Variants in FGF18 observed in about 807,000 individuals in gnomAD.
FGF18 encodes the protein fibroblast growth factor 18.
In FGF18, 5 loss-of-function variants were observed where a neutral mutation model predicts 23.0. That is an observed-to-expected ratio of 0.22 (90% confidence interval 0.11 to 0.46). The LOEUF (loss-of-function observed/expected upper bound fraction) is 0.46. Ranked by LOEUF, FGF18 falls within the 20% of genes least tolerant of loss-of-function variation. The pLI, the probability that FGF18 is intolerant of heterozygous loss-of-function variation, is 0.99. For missense variants in FGF18, 180 were observed against 291.6 expected (o/e 0.62, Z 2.79); for synonymous variants, 117 against 118.9 (o/e 0.98, Z 0.10).
chr5:171,447,151 A>G (rs964777342), intron 3 of FGF18, among the ~76,000 whole-genome samples: 1 of 152,132 alleles, frequency 6.6e-6, no homozygotes, highest in Non-Finnish European at 1.5e-5. Context: ...TTATACCCCC[A>G]TTTTACAGGA....
At chr5:171,449,313 T>A in intron 4 of FGF18, 60 bp downstream of exon 4, 1 of 1,145,352 alleles carries the variant, frequency 8.7e-7, no homozygotes, top group Non-Finnish European at 1.3e-6. Flanking sequence ...CTCTGGGAGC[T>A]GGAACAATGT....
chr5:171,432,641 G>C (rs1411840312), intron 2 of FGF18, among the ~76,000 whole-genome samples: 3 of 152,148 alleles, frequency 2.0e-5, no homozygotes, highest in African/African-American at 7.2e-5. Context: ...CTGGCCTCAA[G>C]CTGGTCTTGA....
At position 171,436,284 on chromosome 5, in the gene FGF18, A is replaced by G. The variant is rs1772245062; in HGVS notation, c.250+11A>G. On this transcript the variant is annotated intron_variant, in intron 3 of 4. Transcript: ENST00000274625. This position sits in a 1 kb window ranked among gnomAD's most constrained non-coding sequence, Gnocchi z 4.4. ...ATGGGGACAAGTATGGTATGTGCCA[A>G]CCCTCTCCTCCTACTCCGTGTACCC... The G allele has an allele frequency of 1.9e-6, 3 of 1,541,382 alleles. No homozygotes were observed. Among genetic ancestry groups the G allele is most frequent in the Non-Finnish European group, 2.6e-6 (3 of 1,138,914 alleles).
chr5:171,429,162 A>C (rs562611131), intron 2 of FGF18, among the ~76,000 whole-genome samples: 1 of 152,302 alleles, frequency 6.6e-6, no homozygotes, highest in East Asian at 1.9e-4. Context: ...ACTCAGATTC[A>C]GGGTGGGCCC....
At chr5:171,445,953 A>G (rs930543578) in intron 3 of FGF18, among the ~76,000 whole-genome samples, 4 of 152,112 alleles carry the variant, frequency 2.6e-5, no homozygotes, top group African/African-American at 9.7e-5. Context: ...CGTGATGCTG[A>G]GGACCTGGCC....
intron 3 of FGF18, among the ~76,000 whole-genome samples, chr5:171,439,535 C>T (rs1024596507): frequency 2.0e-5 from 3 of 152,330 alleles, no homozygotes; most frequent in African/African-American, 7.2e-5. Flanking sequence ...GTTGCCATGT[C>T]ATAGAACAGC....
At chr5:171,429,167 G>A (rs1415697500) in intron 2 of FGF18, among the ~76,000 whole-genome samples, 1 of 152,202 alleles carries the variant, frequency 6.6e-6, no homozygotes, top group African/African-American at 2.4e-5. Flanking sequence ...GATTCAGGGT[G>A]GGCCCGGCCT....
At chr5:171,439,366 G>A (rs1772300759) in intron 3 of FGF18, among the ~76,000 whole-genome samples, 1 of 152,214 alleles carries the variant, frequency 6.6e-6, no homozygotes. Context: ...CTTGCCTTGG[G>A]TTCTGGAGGG....
Position 171,456,960 on chromosome 5 carries a change from G to A in FGF18, c.*155G>A, listed in dbSNP as rs1419905236. ...CAAAAACTGAACCAAAACTCTTGGG[G>A]GGAGGGGTGATAAGGATTTTATTGT... On this transcript the variant is annotated 3_prime_UTR_variant, in exon 5 of 5. Transcript: ENST00000274625. This position sits in a 1 kb window ranked among gnomAD's most constrained non-coding sequence, Gnocchi z 6.1. 1 of 955,062 alleles carries A rather than the reference G, an allele frequency of 1.0e-6. No homozygotes were observed. The highest frequency in any genetic ancestry group is 1.5e-6 in the Non-Finnish European group (1 of 663,044). The allele number at this position is 955,062 out of a possible 1,614,324, so 59.2% of individuals were successfully genotyped here.
intron 2 of FGF18, among the ~76,000 whole-genome samples, chr5:171,425,827 G>A (rs1165317667): frequency 1.3e-5 from 2 of 152,200 alleles, no homozygotes; most frequent in South Asian, 2.1e-4. Flanking sequence ...ACTGCGCCTG[G>A]CCAGCCATGT....
chr5:171,431,468 T>C (rs1340095921), intron 2 of FGF18, among the ~76,000 whole-genome samples: 2 of 152,114 alleles, frequency 1.3e-5, no homozygotes, highest in African/African-American at 4.8e-5. Context: ...CCGGGGGACC[T>C]TGGAAGGCTT....
intron 2 of FGF18, among the ~76,000 whole-genome samples, chr5:171,427,627 T>C (rs1233260248): frequency 6.6e-6 from 1 of 152,212 alleles, no homozygotes; most frequent in Non-Finnish European, 1.5e-5. Context: ...AGCTATGTAG[T>C]AGGCACTCAA....
intron 2 of FGF18, among the ~76,000 whole-genome samples, chr5:171,423,793 T>TTTTTTTTC (rs1561883540): frequency 6.9e-6 from 1 of 144,146 alleles, no homozygotes; most frequent in Non-Finnish European, 1.5e-5. Context: ...TTTTTTTTTT[T>TTTTTTTTC]TTTTGTGCTC....
In FGF18 at chr5:171,422,373, A is replaced by G. The variant is rs185529511; in HGVS notation, c.69+1930A>G. Among the ~76,000 whole-genome samples the G allele has an allele frequency of 7.2e-4, 109 of 152,184 alleles. 1 individual carries two copies. The highest frequency in any genetic ancestry group is 2.5e-3 in the African/African-American group (105 of 41,500). ...CCCTTGTCCCCACCGGCCTTTCTGC[A>G]TCCAAAGTGCCATAAGACTGATGTT... On this transcript the variant is annotated intron_variant, in intron 2 of 4. Transcript: ENST00000274625.
Position 171,446,066 on chromosome 5 carries a change from C to A in FGF18, c.251-3081C>A, listed in dbSNP as rs1188941217. On this transcript the variant is annotated intron_variant, in intron 3 of 4. Transcript: ENST00000274625. Reference sequence around the variant, plus strand: ...TGAGAACTGCTGCTGCTATTACTCCCCAAAGACTTTACATAATTCTGGCCC... The same window carrying A: ...TGAGAACTGCTGCTGCTATTACTCCACAAAGACTTTACATAATTCTGGCCC... Among the ~76,000 whole-genome samples the A allele has an allele frequency of 4.6e-5, 7 of 152,216 alleles. No individual in the cohort carries two copies. In the East Asian group the frequency reaches 1.4e-3, roughly 29 times the overall value.
Position 171,456,893 on chromosome 5 carries a change from A to G in FGF18, c.*88A>G. 1.4e-6 allele frequency: 2 copies of G among 1,455,632 alleles called. No homozygotes were observed. Among genetic ancestry groups the G allele is most frequent in the East Asian group, 2.3e-5 (1 of 43,632 alleles). The allele number at this position is 1,455,632 out of a possible 1,614,324, so 90.2% of individuals were successfully genotyped here. On this transcript the variant is annotated 3_prime_UTR_variant, in exon 5 of 5. Transcript: ENST00000274625. The surrounding 1 kb of genome is among the most constrained non-coding windows in gnomAD (Gnocchi z 6.1). ...AGAGGAATATTTTTACATGAAAAATAAGGAAGAAGCTCTATTTTTGTACAT... is the reference window on the plus strand; with the variant it reads ...AGAGGAATATTTTTACATGAAAAATGAGGAAGAAGCTCTATTTTTGTACAT...
intron 2 of FGF18, among the ~76,000 whole-genome samples, chr5:171,433,017 G>A (rs35261861): frequency 0.021 from 3,168 of 152,276 alleles, 60 homozygotes; most frequent in South Asian, 0.073. Flanking sequence ...GGGGTAGGAC[G>A]TGTCACACCC....
intron 2 of FGF18, among the ~76,000 whole-genome samples, chr5:171,427,724 G>A (rs1772117170): frequency 6.6e-6 from 1 of 152,264 alleles, no homozygotes; most frequent in African/African-American, 2.4e-5. Flanking sequence ...TGAGGGGAAT[G>A]AAGAAGGTAT....
rs1419885577 is a variant in FGF18 at position 171,434,785 on chromosome 5, A to G, written c.70-1308A>G. 1.3e-5 allele frequency among the ~76,000 whole-genome samples: 2 copies of G among 150,160 alleles called. No individual in the cohort carries two copies. The highest frequency in any genetic ancestry group is 1.5e-5 in the Non-Finnish European group (1 of 67,802). ...TGCTGCGGATATAGTGGCAAATGAG[A>G]GACACTGCTCCAGCTTTCTCTCCCT... On this transcript the variant is annotated intron_variant, in intron 2 of 4. Coordinates refer to ENST00000274625, the MANE Select transcript of FGF18 (RefSeq NM_003862.3). This position sits in a 1 kb window ranked among gnomAD's most constrained non-coding sequence, Gnocchi z 4.6.
Sources: gnomAD v4.1 joint callset for allele counts (sites outside exome capture counted in the v4.1 genomes callset) on GRCh38, gnomAD v4.1.1 for gene constraint, Gnocchi (gnomAD v3.1) non-coding constraint, MANE v1.5 for transcripts, NCBI Gene and HGNC (gene_info 2026-07-23, HGNC 2026-07-21) for gene names.